CFAP299: variants seen among roughly 807,000 people sequenced by gnomAD.
The protein encoded by CFAP299 is cilia and flagella associated protein 299, also known as cilia- and flagella-associated protein 299.
A neutral mutation model predicts 27.0 loss-of-function variants in CFAP299; 21 were observed. That is an observed-to-expected ratio of 0.78 (90% CI 0.55 to 1.12). The LOEUF (loss-of-function observed/expected upper bound fraction) is 1.12, where lower values mean the gene tolerates loss of function less well. Ranked by LOEUF, CFAP299 falls within the 50% of genes most tolerant of loss-of-function variation. The probability of loss-of-function intolerance (pLI) is 0.00; values close to 1 mark genes in which losing one functional copy is unlikely to be tolerated. For missense variants in CFAP299, 310 were observed against 276.6 expected, an observed-to-expected ratio of 1.12 and a Z score of -0.86; for synonymous variants, 104 against 98.1, an observed-to-expected ratio of 1.06 and a Z score of -0.36.
intron 3 of CFAP299, among the ~76,000 whole-genome samples, chr4:80,803,276 A>G (rs2110111522): frequency 6.6e-6 from 1 of 152,280 alleles, no homozygotes; most frequent in South Asian, 2.1e-4. Context: ...ATACAGATAC[A>G]GAAACATCAT....
chr4:80,368,061 C>A (rs1238576715), intron 2 of CFAP299, among the ~76,000 whole-genome samples: 1 of 152,176 alleles, frequency 6.6e-6, no homozygotes, highest in African/African-American at 2.4e-5. Context: ...AATGAATTCA[C>A]CCCTCTTAAA....
intron 2 of CFAP299, among the ~76,000 whole-genome samples, chr4:80,411,082 A>G (rs1726697302): frequency 6.6e-6 from 1 of 152,190 alleles, no homozygotes; most frequent in Admixed American, 6.5e-5. Flanking sequence ...GCAGCATTGT[A>G]TGTAACCAGA....
chr4:80,463,268 G>C (rs763001138), intron 2 of CFAP299, among the ~76,000 whole-genome samples: 1 of 151,784 alleles, frequency 6.6e-6, no homozygotes, highest in Admixed American at 6.6e-5. Flanking sequence ...ATCACCTATA[G>C]CAAATGGCTA....
intron 1 of CFAP299, among the ~76,000 whole-genome samples, chr4:80,349,965 A>G (rs932860752): frequency 6.6e-6 from 1 of 152,094 alleles, no homozygotes; most frequent in African/African-American, 2.4e-5. Flanking sequence ...TACAATGAAC[A>G]TACAAGAAAA....
chr4:80,607,002 G>A (rs528262914), intron 3 of CFAP299, among the ~76,000 whole-genome samples: 27 of 152,202 alleles, frequency 1.8e-4, no homozygotes, highest in Non-Finnish European at 2.1e-4. Context: ...GTTTGCAGAA[G>A]GAAGGAAGGG....
chr4:80,932,219 G>A (rs914934330), intron 4 of CFAP299, among the ~76,000 whole-genome samples: 99 of 152,158 alleles, frequency 6.5e-4, no homozygotes, highest in African/African-American at 2.3e-3. Flanking sequence ...CCTTCTGACT[G>A]TGCCATAACT....
intron 4 of CFAP299, among the ~76,000 whole-genome samples, chr4:80,923,838 CT>C (rs1560478552): frequency 1.3e-5 from 2 of 151,890 alleles, no homozygotes; most frequent in Non-Finnish European, 2.9e-5. Context: ...TGAACACTAA[CT>C]GGGTATTTGA....
chr4:80,390,302 A>G (rs1353389645), intron 2 of CFAP299, among the ~76,000 whole-genome samples: 2 of 151,718 alleles, frequency 1.3e-5, no homozygotes, highest in African/African-American at 4.8e-5. Context: ...ACCCCCTGGC[A>G]ACCATCTGTT....
intron 4 of CFAP299, among the ~76,000 whole-genome samples, chr4:80,884,647 C>T (rs1245436877): frequency 1.6e-4 from 6 of 37,664 alleles, no homozygotes; most frequent in Non-Finnish European, 2.5e-4. Context: ...AATTATATAG[C>T]GAATACCAAA....
intron 2 of CFAP299, among the ~76,000 whole-genome samples, chr4:80,470,565 C>T (rs1729945059): frequency 6.6e-6 from 1 of 152,034 alleles, no homozygotes; most frequent in South Asian, 2.1e-4. Context: ...CTTAATGGTC[C>T]ACACTTGTTT....
intron 1 of CFAP299, among the ~76,000 whole-genome samples, chr4:80,344,694 G>T (rs1015038908): frequency 6.6e-6 from 1 of 152,076 alleles, no homozygotes; most frequent in Non-Finnish European, 1.5e-5. Context: ...AACAAAAAAA[G>T]AAAACTTCAG....
At chr4:80,700,678 T>C (rs1385885) in intron 3 of CFAP299, among the ~76,000 whole-genome samples, 10,529 of 152,000 alleles carry the variant, frequency 0.069, 818 homozygotes, top group African/African-American at 0.19. Context: ...AGTGAGACTA[T>C]GGGGATAGGA....
chr4:80,489,452 T>C (rs1731002790), intron 2 of CFAP299, among the ~76,000 whole-genome samples: 1 of 134,218 alleles, frequency 7.5e-6, no homozygotes, highest in South Asian at 2.5e-4. Context: ...CAACTTTGGT[T>C]AGGATCACAG....
intron 2 of CFAP299, among the ~76,000 whole-genome samples, chr4:80,581,501 G>T: frequency 1.0e-5 from 1 of 97,592 alleles, no homozygotes; most frequent in African/African-American, 6.5e-5. Context: ...ACAAGCTGAG[G>T]AAGATAAAGC....
At chr4:80,943,463 G>T (rs1319495911) in intron 4 of CFAP299, among the ~76,000 whole-genome samples, 1 of 151,934 alleles carries the variant, frequency 6.6e-6, no homozygotes, top group African/African-American at 2.4e-5. Context: ...GAGTAATAGA[G>T]GGCAAAACGA....
chr4:80,725,074 A>T (rs1173043414), intron 3 of CFAP299, among the ~76,000 whole-genome samples: 1 of 145,242 alleles, frequency 6.9e-6, no homozygotes, highest in Non-Finnish European at 1.5e-5. Flanking sequence ...CCTCCTGAGT[A>T]GCTGGGACTA....
At chr4:80,869,072 C>A (rs139865881) in intron 3 of CFAP299, among the ~76,000 whole-genome samples, 2 of 151,860 alleles carry the variant, frequency 1.3e-5, no homozygotes, top group African/African-American at 2.4e-5. Context: ...TTTAAGGAGG[C>A]GCAGCCTTGC....
At chr4:80,819,770 A>G (rs1446204138) in intron 3 of CFAP299, among the ~76,000 whole-genome samples, 1 of 152,158 alleles carries the variant, frequency 6.6e-6, no homozygotes, top group Non-Finnish European at 1.5e-5. Flanking sequence ...GAGATCCTTA[A>G]TATAAGACTG....
At chr4:80,432,171 A>G (rs888456168) in intron 2 of CFAP299, among the ~76,000 whole-genome samples, 1 of 150,862 alleles carries the variant, frequency 6.6e-6, no homozygotes, top group African/African-American at 2.4e-5. Context: ...GTTTTTTTTG[A>G]AATGGAGTCT....
Sources: allele counts gnomAD v4.1 joint callset (sites outside exome capture counted in the v4.1 genomes callset), GRCh38; gene constraint gnomAD v4.1.1; transcripts MANE v1.5; gene names NCBI Gene and HGNC (gene_info 2026-07-23, HGNC 2026-07-21).